The following SPATA16 variants were observed in gnomAD, a reference collection of about 807,000 sequenced individuals.
The protein encoded by SPATA16 is spermatogenesis-associated protein 16.
SPATA16 carries 36 observed loss-of-function variants against 63.3 expected under a neutral mutation model. That is an observed-to-expected ratio of 0.57 (90% CI 0.44 to 0.75). SPATA16 has a LOEUF of 0.75. Among genes scored for constraint, SPATA16 ranks in the 30% least tolerant of loss-of-function variants. The probability of loss-of-function intolerance (pLI) is 0.00; values close to 1 mark genes in which losing one functional copy is unlikely to be tolerated. For synonymous variants in SPATA16, 203 were observed against 216.7 expected, an observed-to-expected ratio of 0.94 and a Z score of 0.56; for missense variants, 646 against 679.3, an observed-to-expected ratio of 0.95 and a Z score of 0.54.
At chr3:172,934,114 C>G (rs1368536497) in intron 6 of SPATA16, among the ~76,000 whole-genome samples, 1 of 151,948 alleles carries the variant, frequency 6.6e-6, no homozygotes, top group Admixed American at 6.6e-5. Flanking sequence ...CTTTCTTGAC[C>G]TAAATTATAA....
At chr3:172,965,524 A>C (rs1733897351) in intron 5 of SPATA16, among the ~76,000 whole-genome samples, 1 of 151,994 alleles carries the variant, frequency 6.6e-6, no homozygotes, top group Non-Finnish European at 1.5e-5. Context: ...TGTGCTGTGG[A>C]AATATTACTC....
chr3:173,120,014 G>A (rs1430757673), intron 1 of SPATA16, among the ~76,000 whole-genome samples: 1 of 151,866 alleles, frequency 6.6e-6, no homozygotes, highest in African/African-American at 2.4e-5. Flanking sequence ...TTGAACCCGG[G>A]AGGCAGAGGT....
In SPATA16 at chr3:173,133,386, G is replaced by A. The variant is rs559050477; in HGVS notation, c.-19+7717C>T. On this transcript the variant is annotated intron_variant, in intron 1 of 10. Coordinates refer to ENST00000351008, the MANE Select transcript of SPATA16 (RefSeq NM_031955.6). ...AGGGGTCTAGGCAGCCTTTACCAAT[G>A]TGGTGGTGGCCCGCACAGTCAGTGC... 7.2e-5 allele frequency among the ~76,000 whole-genome samples: 11 copies of A among 152,336 alleles called. No homozygotes were observed. The South Asian group carries it at 2.3e-3, about 32-fold the overall frequency.
chr3:173,127,262 A>T (rs1373639056), intron 1 of SPATA16, among the ~76,000 whole-genome samples: 1 of 152,202 alleles, frequency 6.6e-6, no homozygotes, highest in Non-Finnish European at 1.5e-5. Context: ...AGTAAGTTGT[A>T]TACATCAAGC....
At position 173,117,698 on chromosome 3, in the gene SPATA16, C is replaced by T. The variant is rs780184133; in HGVS notation, c.34G>A (p.Ala12Thr). The T allele has an allele frequency of 1.2e-6, 2 of 1,614,126 alleles. No homozygotes were observed. The highest frequency in any genetic ancestry group is 2.2e-5 in the South Asian group (2 of 91,082). ...DAGSSRSLEN[A>T]VNRIYHDQLV... is the part of the protein sequence containing the mutation. ...TGATCATGATAGATCCTATTCACTG[C>T]ATTCTCCAAACTCCTACTGCTTCCT... Residue 12 changes from alanine (A) to threonine (T), a missense_variant, in exon 2 of 11, where the codon GCA (alanine) becomes ACA (threonine). Coordinates refer to ENST00000351008, the MANE Select transcript of SPATA16 (RefSeq NM_031955.6).
At chr3:173,043,375 T>C (rs867176323) in intron 3 of SPATA16, among the ~76,000 whole-genome samples, 1 of 152,038 alleles carries the variant, frequency 6.6e-6, no homozygotes, top group South Asian at 2.1e-4. Context: ...CAGTTAATAT[T>C]GTACCATTTC....
chr3:172,935,358 C>G (rs1732958545), intron 6 of SPATA16, among the ~76,000 whole-genome samples: 1 of 151,888 alleles, frequency 6.6e-6, no homozygotes, highest in African/African-American at 2.4e-5. Flanking sequence ...AACAACAAAC[C>G]ATGTAAGATT....
rs543372047 is a variant in SPATA16 at position 172,967,341 on chromosome 3, CTAA to C, written c.933+9624_933+9626del. 5.0e-3 allele frequency among the ~76,000 whole-genome samples: 763 copies of C among 152,234 alleles called. 2 individuals carry two copies. The highest frequency in any genetic ancestry group is 7.2e-3 in the Non-Finnish European group (487 of 68,020). On this transcript the variant is annotated intron_variant, in intron 5 of 10. Coordinates refer to ENST00000351008, the MANE Select transcript of SPATA16 (RefSeq NM_031955.6). The stretch of plus-strand genomic sequence containing the variant: ...TGATGTGGGCTTCTGCCGTCACCTA[CTAA>C]TAATACTGAAAAACCAAACCAGGAA...
chr3:173,041,812 G>A (rs1342856037), intron 3 of SPATA16, among the ~76,000 whole-genome samples: 1 of 151,984 alleles, frequency 6.6e-6, no homozygotes, highest in Non-Finnish European at 1.5e-5. Flanking sequence ...TTGCGGGATG[G>A]GGGCGGGGGA....
At chr3:172,979,129 C>T (rs1344934625) in intron 4 of SPATA16, among the ~76,000 whole-genome samples, 3 of 152,024 alleles carry the variant, frequency 2.0e-5, no homozygotes, top group Admixed American at 6.6e-5. Context: ...CCCAGCTACT[C>T]GGGAGGCTGA....
chr3:172,980,463 A>G (rs1270498664), intron 4 of SPATA16, among the ~76,000 whole-genome samples: 1 of 152,158 alleles, frequency 6.6e-6, no homozygotes, highest in Non-Finnish European at 1.5e-5. Context: ...TAATGTACTG[A>G]ATGTTGTACC....
At position 173,030,228 on chromosome 3, in the gene SPATA16, C is replaced by T. The variant is rs148268738; in HGVS notation, c.759-10653G>A. Among the ~76,000 whole-genome samples the T allele has an allele frequency of 6.6e-3, 1,003 of 151,948 alleles. 6 individuals are homozygous for T. The highest frequency in any genetic ancestry group is 0.01 in the Non-Finnish European group (687 of 67,918). ...AGGAAATAAATAAAAATAAACAAAT[C>T]GGACTGTATCAAAATTAAAAACTTC... On this transcript the variant is annotated intron_variant, in intron 3 of 10. Coordinates refer to ENST00000351008, the MANE Select transcript of SPATA16 (RefSeq NM_031955.6).
chr3:172,951,635 C>T (rs1733436411), intron 6 of SPATA16, among the ~76,000 whole-genome samples: 1 of 152,166 alleles, frequency 6.6e-6, no homozygotes, highest in African/African-American at 2.4e-5. Context: ...AAAATACTGC[C>T]TGGAGGACCT....
At chr3:172,975,700 G>C (rs1000607401) in intron 5 of SPATA16, among the ~76,000 whole-genome samples, 18 of 152,116 alleles carry the variant, frequency 1.2e-4, no homozygotes, top group African/African-American at 3.9e-4. Context: ...TCTACCTGGA[G>C]ATCAACATTT....
chr3:172,942,618 A>T (rs1182810107), intron 6 of SPATA16, among the ~76,000 whole-genome samples: 11 of 152,134 alleles, frequency 7.2e-5, no homozygotes, highest in Admixed American at 5.9e-4. Flanking sequence ...TTTGTTTCCT[A>T]TTTACTGATG....
intron 10 of SPATA16, among the ~76,000 whole-genome samples, chr3:172,905,047 C>T (rs187846544): frequency 6.3e-4 from 96 of 152,174 alleles, no homozygotes; most frequent in Middle Eastern, 3.4e-3. Context: ...ACTTTCCTCT[C>T]CTCCCCAGCG....
intron 3 of SPATA16, among the ~76,000 whole-genome samples, chr3:173,020,615 T>C (rs562825192): frequency 6.6e-6 from 1 of 152,196 alleles, no homozygotes. Context: ...CTTCTTCTCC[T>C]AGAGATAAAG....
chr3:172,939,882 G>C (rs887853468), intron 6 of SPATA16, among the ~76,000 whole-genome samples: 9 of 152,340 alleles, frequency 5.9e-5, no homozygotes, highest in African/African-American at 2.2e-4. Context: ...GGCTTGGAAT[G>C]TTCAGCTTCA....
intron 2 of SPATA16, among the ~76,000 whole-genome samples, chr3:173,110,231 A>G (rs1055214347): frequency 1.3e-5 from 2 of 152,196 alleles, no homozygotes; most frequent in African/African-American, 2.4e-5. Context: ...CTTGACAACT[A>G]AGAAACAATG....
Sources: gnomAD v4.1 joint callset for allele counts (sites outside exome capture counted in the v4.1 genomes callset) on GRCh38, gnomAD v4.1.1 for gene constraint, MANE v1.5 for transcripts, NCBI Gene and HGNC (gene_info 2026-07-23, HGNC 2026-07-21) for gene names.